The following NLN variants were observed in gnomAD, a reference collection of about 807,000 sequenced individuals.
NLN encodes neurolysin, mitochondrial.
In NLN, 64 loss-of-function variants were observed where a neutral mutation model predicts 79.9. That is an observed-to-expected ratio of 0.80 (90% CI 0.65 to 0.99). The LOEUF (loss-of-function observed/expected upper bound fraction) is 0.99. NLN is among the 50% of genes least tolerant of loss of function. The pLI, the probability that NLN is intolerant of heterozygous loss-of-function variation, is 0.00. For missense variants in NLN, 835 were observed against 858.7 expected, an observed-to-expected ratio of 0.97 and a Z score of 0.34; for synonymous variants, 267 against 296.6, an observed-to-expected ratio of 0.90 and a Z score of 1.02.
chr5:65,740,063 A>G (rs746689840), intron 1 of NLN, among the ~76,000 whole-genome samples: 1 of 152,116 alleles, frequency 6.6e-6, no homozygotes, highest in Non-Finnish European at 1.5e-5. Context: ...CCAAAAAATC[A>G]TTGCCCACAC....
intron 1 of NLN, among the ~76,000 whole-genome samples, chr5:65,737,084 G>A (rs748483244): frequency 8.5e-5 from 13 of 152,078 alleles, no homozygotes; most frequent in Admixed American, 6.6e-5. Context: ...CAGCCTATGC[G>A]ACAAAGGGAG....
chr5:65,807,846 T>A (rs1216213541), intron 9 of NLN, among the ~76,000 whole-genome samples: 1 of 152,218 alleles, frequency 6.6e-6, no homozygotes, highest in Non-Finnish European at 1.5e-5. Flanking sequence ...TTGTGTGGCT[T>A]ACTTTATTGT....
intron 8 of NLN, among the ~76,000 whole-genome samples, chr5:65,791,863 C>T (rs1189547177): frequency 2.6e-5 from 4 of 152,256 alleles, no homozygotes; most frequent in South Asian, 2.1e-4. Flanking sequence ...CACACAGATA[C>T]GACACTGTAC....
intron 7 of NLN, among the ~76,000 whole-genome samples, chr5:65,786,296 A>G (rs184968867): frequency 4.6e-5 from 7 of 152,348 alleles, no homozygotes; most frequent in African/African-American, 1.7e-4. Context: ...AAAATAAAAC[A>G]TACATAAACA....
At chr5:65,808,578 G>T (rs1248922793) in intron 9 of NLN, among the ~76,000 whole-genome samples, 1 of 152,218 alleles carries the variant, frequency 6.6e-6, no homozygotes, top group Non-Finnish European at 1.5e-5. Context: ...GCCTGTTTTA[G>T]TGAATCTCTG....
chr5:65,826,564 C>T lies in NLN; in HGVS notation c.*3649C>T, dbSNP rs1660449833. The stretch of plus-strand genomic sequence containing the variant: ...TGTCTCCCATCTGAAATTGGATAGC[C>T]CACTGAAATTGAACATGCCTTCTCT... On this transcript the variant is annotated 3_prime_UTR_variant, in exon 13 of 13. Transcript: ENST00000380985. 1 of 152,118 alleles carries T rather than the reference C, an allele frequency of 6.6e-6. No individual in the cohort carries two copies. Among genetic ancestry groups the T allele is most frequent in the African/African-American group, 2.4e-5 (1 of 41,414 alleles). The allele number at this position is 152,118 out of a possible 1,614,324, so 9.4% of individuals were successfully genotyped here.
chr5:65,804,172 C>T (rs370309259), intron 9 of NLN, among the ~76,000 whole-genome samples: 12 of 152,128 alleles, frequency 7.9e-5, no homozygotes, highest in African/African-American at 2.4e-4. Flanking sequence ...CTCTAAGATA[C>T]GGAGACAGTT....
chr5:65,764,882 C>T (rs973718378), intron 3 of NLN, among the ~76,000 whole-genome samples: 4 of 152,166 alleles, frequency 2.6e-5, no homozygotes, highest in African/African-American at 9.7e-5. Flanking sequence ...TAAACATCTT[C>T]CATGACAAAT....
At chr5:65,774,548 T>C (rs1036724912) in intron 3 of NLN, among the ~76,000 whole-genome samples, 5 of 152,082 alleles carry the variant, frequency 3.3e-5, no homozygotes, top group African/African-American at 1.2e-4. Flanking sequence ...TGTGCTTAAG[T>C]AGCACATTTT....
In NLN at chr5:65,823,085, T is replaced by A. The variant is rs1384818103; in HGVS notation, c.*170T>A. The A allele has an allele frequency of 3.7e-6, 2 of 542,866 alleles. No homozygotes were observed. The highest frequency in any genetic ancestry group is 6.5e-6 in the Non-Finnish European group (2 of 308,056). The allele number at this position is 542,866 out of a possible 1,614,324, so 33.6% of individuals were successfully genotyped here. ...AAGATGTAAATGGAATTATAAATAC[T>A]GTGACCTAAGAAAAGACCCACTAGA... On this transcript the variant is annotated 3_prime_UTR_variant, in exon 13 of 13. Coordinates refer to ENST00000380985, the MANE Select transcript of NLN (RefSeq NM_020726.5).
At chr5:65,776,259 AT>A (rs1411816827) in intron 3 of NLN, among the ~76,000 whole-genome samples, 4 of 152,254 alleles carry the variant, frequency 2.6e-5, no homozygotes, top group East Asian at 1.9e-4. Context: ...CTCCAAAAAA[AT>A]AAAATAATTT....
At chr5:65,810,354 G>T (rs148800658) in intron 11 of NLN, among the ~76,000 whole-genome samples, 189 bp downstream of exon 11, 4 of 152,168 alleles carry the variant, frequency 2.6e-5, no homozygotes, top group African/African-American at 9.7e-5. Flanking sequence ...TTGAAGGAAA[G>T]GTGGCTCCAG....
At chr5:65,810,310 C>G in intron 11 of NLN, 145 bp downstream of exon 11, 2 of 727,932 alleles carry the variant, frequency 2.7e-6, no homozygotes, top group Non-Finnish European at 4.6e-6. Flanking sequence ...GATAAGCATA[C>G]TATGTCCTTA....
At chr5:65,733,412 G>C in intron 1 of NLN, 1 of 1,495,146 alleles carries the variant, frequency 6.7e-7, no homozygotes, top group Non-Finnish European at 9.2e-7. Context: ...TGAATGCTCT[G>C]AAAGACCTGC....
chr5:65,765,443 G>A (rs755679857), intron 3 of NLN, among the ~76,000 whole-genome samples: 2 of 152,108 alleles, frequency 1.3e-5, no homozygotes, highest in African/African-American at 2.4e-5. Flanking sequence ...GCTTGAACCC[G>A]GGAGGTGGAG....
At chr5:65,801,905 C>T (rs1017598245) in intron 9 of NLN, among the ~76,000 whole-genome samples, 9 of 152,188 alleles carry the variant, frequency 5.9e-5, no homozygotes, top group African/African-American at 2.2e-4. Context: ...CTTCCTCCCT[C>T]ATATGCAACT....
chr5:65,738,941 T>TAAA (rs1417203297), intron 1 of NLN, among the ~76,000 whole-genome samples: 1 of 113,030 alleles, frequency 8.8e-6, no homozygotes, highest in Non-Finnish European at 1.8e-5. Flanking sequence ...TATATATTTT[T>TAAA]TATATATGTT....
intron 2 of NLN, among the ~76,000 whole-genome samples, chr5:65,761,506 G>A (rs993476521): frequency 3.3e-5 from 5 of 151,950 alleles, no homozygotes; most frequent in African/African-American, 1.2e-4. Context: ...TGGCCAGGCT[G>A]GTCTCAAACT....
intron 11 of NLN, among the ~76,000 whole-genome samples, chr5:65,811,117 G>A (rs2150774459): frequency 6.6e-6 from 1 of 152,338 alleles, no homozygotes; most frequent in South Asian, 2.1e-4. Flanking sequence ...ATATTTGTAT[G>A]TGTATGTTTT....
Sources: gnomAD v4.1 joint callset for allele counts (sites outside exome capture counted in the v4.1 genomes callset) on GRCh38, gnomAD v4.1.1 for gene constraint, MANE v1.5 for transcripts, NCBI Gene and HGNC (gene_info 2026-07-23, HGNC 2026-07-21) for gene names.